B4GALT1: variants seen among roughly 807,000 people sequenced by gnomAD.
The protein encoded by B4GALT1 is beta-1,4-galactosyltransferase 1.
B4GALT1 carries 16 observed loss-of-function variants against 34.9 expected under a neutral mutation model. That is an observed-to-expected ratio of 0.46 (90% CI 0.31 to 0.70). The LOEUF (loss-of-function observed/expected upper bound fraction) is 0.70. Ranked by LOEUF, B4GALT1 falls within the 30% of genes least tolerant of loss-of-function variation. B4GALT1 has a pLI of 0.05. For synonymous variants in B4GALT1, 221 were observed against 218.1 expected (o/e 1.01, Z -0.12); for missense variants, 445 against 530.5 (o/e 0.84, Z 1.58).
intron 1 of B4GALT1, among the ~76,000 whole-genome samples, chr9:33,143,453 A>G (rs1451257682): frequency 6.6e-6 from 1 of 152,214 alleles, no homozygotes; most frequent in Non-Finnish European, 1.5e-5. Flanking sequence ...AAGGCCAAGC[A>G]CTCAAGTTGC....
intron 3 of B4GALT1, among the ~76,000 whole-genome samples, chr9:33,119,534 T>C (rs984823861): frequency 2.0e-5 from 3 of 152,194 alleles, no homozygotes; most frequent in African/African-American, 7.2e-5. Context: ...TTGGGCAACA[T>C]AGCCAGACCT....
chr9:33,170,172 G>A (rs1230063783), upstream of B4GALT1, among the ~76,000 whole-genome samples: 7 of 151,440 alleles, frequency 4.6e-5, no homozygotes, highest in African/African-American at 1.7e-4. Context: ...GGGTTTCACC[G>A]TGTTATCCAG....
downstream of B4GALT1, chr9:33,108,599 T>C (rs1839819908): frequency 6.6e-6 from 1 of 152,468 alleles, no homozygotes; most frequent in African/African-American, 2.4e-5. Flanking sequence ...AGCTGTGTTA[T>C]GCATGTTAGT....
At chr9:33,181,636 T>C in the B4GALT1 span, among the ~76,000 whole-genome samples, 14,650 of 152,176 alleles carry the variant, frequency 0.096, 1,314 homozygotes, top group African/African-American at 0.24. Flanking sequence ...GACTTATATC[T>C]GGCCAATCAG....
At chr9:33,151,230 C>T (rs1307298458) in intron 1 of B4GALT1, among the ~76,000 whole-genome samples, 1 of 152,194 alleles carries the variant, frequency 6.6e-6, no homozygotes, top group African/African-American at 2.4e-5. Flanking sequence ...GTGAATTCAG[C>T]CAGAGATTTC....
chr9:33,166,273 C>A (rs1407115446), intron 1 of B4GALT1, among the ~76,000 whole-genome samples: 1 of 152,050 alleles, frequency 6.6e-6, no homozygotes, highest in East Asian at 1.9e-4. Flanking sequence ...CCCAAACGAT[C>A]AGGAGAAAAA....
intron 2 of B4GALT1, among the ~76,000 whole-genome samples, chr9:33,130,824 C>T (rs1840184405): frequency 2.0e-5 from 3 of 151,984 alleles, no homozygotes; most frequent in South Asian, 4.1e-4. Flanking sequence ...CTGATGCGGG[C>T]CCTGAGTGGG....
chr9:33,178,796 T>A, the B4GALT1 span: 1 of 152,266 alleles, frequency 6.6e-6, no homozygotes, highest in South Asian at 2.1e-4. Flanking sequence ...GAATATCCCA[T>A]AACTAATTGC....
chr9:33,107,949 T>G (rs564322340), downstream of B4GALT1, among the ~76,000 whole-genome samples: 1 of 152,098 alleles, frequency 6.6e-6, no homozygotes, highest in Non-Finnish European at 1.5e-5. Context: ...AGCTGCCACA[T>G]AGCAAAGTTC....
the B4GALT1 span, among the ~76,000 whole-genome samples, chr9:33,181,559 G>A: frequency 1.3e-5 from 2 of 151,982 alleles, no homozygotes; most frequent in Non-Finnish European, 2.9e-5. Context: ...TACTCCTTCT[G>A]TTAGAGACTC....
intron 5 of B4GALT1, 32 bp downstream of exon 5, chr9:33,113,742 G>A: frequency 6.2e-7 from 1 of 1,612,782 alleles, no homozygotes; most frequent in Non-Finnish European, 8.5e-7. Flanking sequence ...CATCCTAAAG[G>A]GGGAAGGAGT....
chr9:33,105,717 T>C (rs1839790744), downstream of B4GALT1, among the ~76,000 whole-genome samples: 1 of 152,180 alleles, frequency 6.6e-6, no homozygotes, highest in African/African-American at 2.4e-5. Context: ...AGTGCAATCA[T>C]ATGATATTTG....
chr9:33,166,655 T>TGA, intron 1 of B4GALT1, 103 bp downstream of exon 1: 1 of 1,267,810 alleles, frequency 7.9e-7, no homozygotes, highest in Non-Finnish European at 1.1e-6. Context: ...AGAGGGAGGC[T>TGA]GGCTGTCGTA....
chr9:33,155,281 A>G (rs1313904037), intron 1 of B4GALT1, among the ~76,000 whole-genome samples: 1 of 152,216 alleles, frequency 6.6e-6, no homozygotes, highest in Non-Finnish European at 1.5e-5. Context: ...TTCCAACACC[A>G]GCCCCGAGGT....
intron 1 of B4GALT1, among the ~76,000 whole-genome samples, chr9:33,139,210 T>C (rs1272873767): frequency 6.6e-6 from 1 of 152,096 alleles, no homozygotes; most frequent in Non-Finnish European, 1.5e-5. Context: ...GGAGGGAGGA[T>C]GGACAAGACA....
intron 1 of B4GALT1, among the ~76,000 whole-genome samples, chr9:33,154,633 T>C (rs1030828987): frequency 6.6e-6 from 1 of 152,236 alleles, no homozygotes; most frequent in Non-Finnish European, 1.5e-5. Flanking sequence ...CCTAGAACCC[T>C]GCATCTACAG....
chr9:33,119,655 G>A (rs1194020677), intron 3 of B4GALT1, among the ~76,000 whole-genome samples: 4 of 152,194 alleles, frequency 2.6e-5, no homozygotes, highest in Non-Finnish European at 5.9e-5. Context: ...AGTCAAGGCT[G>A]CAGTGAGCCA....
upstream of B4GALT1, among the ~76,000 whole-genome samples, chr9:33,171,486 C>G (rs1024510924): frequency 6.6e-6 from 1 of 152,160 alleles, no homozygotes; most frequent in African/African-American, 2.4e-5. Flanking sequence ...ACTTCTAAAG[C>G]ATTCTTTTGC....
At chr9:33,167,367 A>T, upstream of B4GALT1, 1 of 468,504 alleles carries the variant, frequency 2.1e-6, no homozygotes, top group Non-Finnish European at 3.0e-6. Flanking sequence ...GCCGGCGGAG[A>T]GGGGAGGGGC....
Sources: allele counts gnomAD v4.1 joint callset (sites outside exome capture counted in the v4.1 genomes callset), GRCh38; gene constraint gnomAD v4.1.1; transcripts MANE v1.5; gene names NCBI Gene and HGNC (gene_info 2026-07-23, HGNC 2026-07-21).